The following HSPA12A variants were observed in gnomAD, a reference collection of about 807,000 sequenced individuals.
The protein encoded by HSPA12A is heat shock 70 kDa protein 12A.
In HSPA12A, 28 loss-of-function variants were observed where a neutral mutation model predicts 69.2. The ratio of observed to expected loss-of-function variants is 0.40; its 90% CI spans 0.30 to 0.55. The LOEUF (loss-of-function observed/expected upper bound fraction) is 0.55, where lower values mean the gene tolerates loss of function less well. Ranked by LOEUF, HSPA12A falls within the 20% of genes least tolerant of loss-of-function variation. The probability of loss-of-function intolerance (pLI) is 0.38; values close to 1 mark genes in which losing one functional copy is unlikely to be tolerated. For missense variants in HSPA12A, 686 were observed against 900.7 expected (o/e 0.76, Z 3.05); for synonymous variants, 345 against 370.5 (o/e 0.93, Z 0.79).
chr10:116,813,245 C>CCATTTTT (rs1845229647), intron 2 of HSPA12A, among the ~76,000 whole-genome samples: 1 of 12,790 alleles, frequency 7.8e-5, no homozygotes, highest in African/African-American at 2.9e-4. Context: ...ATCCAGAGCT[C>CCATTTTT]TATTTTTTTT....
At chr10:116,773,267 C>T (rs1356855820) in intron 2 of HSPA12A, among the ~76,000 whole-genome samples, 1 of 151,932 alleles carries the variant, frequency 6.6e-6, no homozygotes, top group Non-Finnish European at 1.5e-5. Flanking sequence ...TGAGGCCCTG[C>T]TAATGAGCAA....
intron 2 of HSPA12A, among the ~76,000 whole-genome samples, chr10:116,812,819 C>A (rs1845219073): frequency 6.6e-6 from 1 of 152,124 alleles, no homozygotes; most frequent in South Asian, 2.1e-4. Context: ...GAGGCGCAGA[C>A]ACAGATGAGC....
At chr10:116,835,288 C>T in intron 1 of HSPA12A, 1 of 202,890 alleles carries the variant, frequency 4.9e-6, no homozygotes, top group Non-Finnish European at 9.9e-6. Flanking sequence ...CTTACTACAT[C>T]AAGAAAGAAA....
At chr10:116,727,461 G>C (rs1347334949) in intron 1 of HSPA12A, among the ~76,000 whole-genome samples, 3 of 152,188 alleles carry the variant, frequency 2.0e-5, no homozygotes, top group Non-Finnish European at 4.4e-5. Context: ...TGTTTGCCAA[G>C]GTCCTATTGG....
intron 2 of HSPA12A, chr10:116,832,999 C>T (rs1302841028): frequency 1.3e-5 from 2 of 152,128 alleles, no homozygotes; most frequent in East Asian, 1.9e-4. Context: ...GCTGAAAAAC[C>T]GAAGTTTCAG....
chr10:116,818,363 C>G lies in HSPA12A; in HGVS notation c.91+16572G>C, dbSNP rs1393729669. ...CCCTGTGGTGGTGTCCCAGGTCACC[C>G]ACTGGTTCTCTTCCCTGCTTTACCC... is the stretch of plus-strand genomic sequence containing the variant. On this transcript the variant is annotated intron_variant, in intron 2 of 12. Transcript: ENST00000635765. 2.0e-5 allele frequency among the ~76,000 whole-genome samples: 3 copies of G among 152,128 alleles called. No homozygotes were observed. The East Asian group carries it at 5.8e-4, about 29-fold the overall frequency.
chr10:116,836,768 A>AAC (rs75862523), intron 1 of HSPA12A, among the ~76,000 whole-genome samples: 18,321 of 146,466 alleles, frequency 0.13, 1,224 homozygotes, highest in East Asian at 0.28. Context: ...AAACGAACCG[A>AAC]ACACACACAC....
At chr10:116,779,901 C>A (rs1466407117) in intron 2 of HSPA12A, among the ~76,000 whole-genome samples, 1 of 152,112 alleles carries the variant, frequency 6.6e-6, no homozygotes, top group Non-Finnish European at 1.5e-5. Context: ...CATGGCACCA[C>A]TCCCTAGGGG....
At chr10:116,818,095 G>T (rs931091549) in intron 2 of HSPA12A, among the ~76,000 whole-genome samples, 1 of 152,150 alleles carries the variant, frequency 6.6e-6, no homozygotes, top group Non-Finnish European at 1.5e-5. Flanking sequence ...ACCTTTCCCT[G>T]GCCACACACT....
At chr10:116,849,632 G>C in exon 1 of HSPA12A, 1 of 1,550,336 alleles carries the variant, frequency 6.5e-7, no homozygotes, top group South Asian at 1.2e-5. Flanking sequence ...TGAAGCAGCA[G>C]GCGATGGAGT....
intron 2 of HSPA12A, among the ~76,000 whole-genome samples, chr10:116,827,765 T>C (rs560107290): frequency 3.3e-5 from 5 of 152,326 alleles, no homozygotes; most frequent in African/African-American, 4.8e-5. Flanking sequence ...TCTGGACTAT[T>C]TGGGGATGTC....
chr10:116,711,788 C>A (rs1036357667), intron 1 of HSPA12A, among the ~76,000 whole-genome samples: 1 of 151,532 alleles, frequency 6.6e-6, no homozygotes, highest in South Asian at 2.1e-4. Context: ...CTCAGCCTCC[C>A]GAGTAGCTGG....
upstream of HSPA12A, among the ~76,000 whole-genome samples, chr10:116,746,320 G>C (rs182959175): frequency 6.6e-6 from 1 of 152,338 alleles, no homozygotes; most frequent in African/African-American, 2.4e-5. Context: ...ACTGTGGAAA[G>C]GGCTGGACAT....
intron 2 of HSPA12A, among the ~76,000 whole-genome samples, chr10:116,781,357 AATGATGATG>A (rs1181358773): frequency 2.0e-5 from 3 of 151,712 alleles, no homozygotes; most frequent in Non-Finnish European, 4.4e-5. Flanking sequence ...AATCAGTGCC[AATGATGATG>A]ATGATGATGA....
At chr10:116,774,183 G>T (rs2133123430) in intron 2 of HSPA12A, among the ~76,000 whole-genome samples, 1 of 152,088 alleles carries the variant, frequency 6.6e-6, no homozygotes, top group Non-Finnish European at 1.5e-5. Context: ...CTAATTTTTT[G>T]TATTTTTAGT....
chr10:116,785,176 C>T (rs1408969277), intron 2 of HSPA12A, among the ~76,000 whole-genome samples: 3 of 152,188 alleles, frequency 2.0e-5, no homozygotes, highest in Non-Finnish European at 4.4e-5. Flanking sequence ...TGCATGTCCA[C>T]TCTCAGATTC....
At position 116,681,301 on chromosome 10, in the gene HSPA12A, C is replaced by A; in HGVS notation, c.923-45G>T. ...CTTTTACACAGACTGTTTGCCAACC[C>A]CATCTGAAACAAGCTTGTGGGTGGT... On this transcript the variant is annotated intron_variant, in intron 8 of 11. Coordinates refer to ENST00000369209, the MANE Select transcript of HSPA12A (RefSeq NM_025015.3). The A allele has an allele frequency of 2.0e-6, 3 of 1,500,900 alleles. No homozygotes were observed. The South Asian group carries it at 3.4e-5, about 17-fold the overall frequency. The allele number at this position is 1,500,900 out of a possible 1,614,324, so 93.0% of individuals were successfully genotyped here.
upstream of HSPA12A, among the ~76,000 whole-genome samples, chr10:116,743,060 C>T (rs1851567152): frequency 7.2e-6 from 1 of 139,094 alleles, no homozygotes; most frequent in Non-Finnish European, 1.6e-5. Context: ...GGGTGGACCC[C>T]GGCGCGGGCA....
intron 1 of HSPA12A, among the ~76,000 whole-genome samples, chr10:116,711,503 G>A (rs1435215541): frequency 2.0e-5 from 3 of 152,124 alleles, no homozygotes; most frequent in African/African-American, 7.2e-5. Context: ...GGAACTAGGA[G>A]TTTTAAGAAA....
Sources: allele counts gnomAD v4.1 joint callset (sites outside exome capture counted in the v4.1 genomes callset), GRCh38; gene constraint gnomAD v4.1.1; transcripts MANE v1.5; gene names NCBI Gene and HGNC (gene_info 2026-07-23, HGNC 2026-07-21).